IFNL2: variants seen among roughly 807,000 people sequenced by gnomAD.
IFNL2 encodes interferon lambda-2.
Under a neutral mutation model 18.7 loss-of-function variants are expected in IFNL2, and 17 were observed. The observed-to-expected ratio is 0.91, with a 90% CI of 0.62 to 1.36. The LOEUF (loss-of-function observed/expected upper bound fraction) is 1.36. Ranked by LOEUF, IFNL2 falls within the 40% of genes most tolerant of loss-of-function variation. The pLI is 0.00. For missense variants in IFNL2, 225 were observed against 257.3 expected, an observed-to-expected ratio of 0.87 and a Z score of 0.86; for synonymous variants, 96 against 113.4, an observed-to-expected ratio of 0.85 and a Z score of 0.98.
In IFNL2 at chr19:39,269,159, C is replaced by A; in HGVS notation, c.200C>A (p.Ser67Ter). The change falls in exon 3 of 6, where the codon TCG (serine) becomes TAG (stop). Residue 67 changes from serine (S) to a stop codon, truncating the protein, a stop_gained. Transcript: ENST00000331982. LOFTEE classifies it high-confidence loss of function. The stretch of plus-strand genomic sequence containing the variant: ...TGTGCCTTTGCTGTCTAGGAAGAGT[C>A]GCTTCTGCTGAAGGACTGCAGGTGC... ...FKRAKDALEE[S>*]LLLKDCRCHS... 1 of 1,611,514 alleles carries A rather than the reference C, an allele frequency of 6.2e-7. No homozygotes were observed. The highest frequency in any genetic ancestry group is 8.5e-7 in the Non-Finnish European group (1 of 1,179,032).
intron 4 of IFNL2, 25 bp from the exon 5 acceptor site, chr19:39,269,713 A>T: frequency 6.2e-7 from 1 of 1,605,890 alleles, no homozygotes; most frequent in South Asian, 1.1e-5. Flanking sequence ...GCCCCGGCTC[A>T]CACACCGCCC....
intron 2 of IFNL2, 48 bp downstream of exon 2, chr19:39,268,906 T>A (rs1309484095): frequency 6.3e-7 from 1 of 1,581,710 alleles, no homozygotes; most frequent in African/African-American, 1.3e-5. Flanking sequence ...CCACCCCCAC[T>A]CCAAGCGTCA....
At position 39,268,692 on chromosome 19, in the gene IFNL2, G is replaced by A; in HGVS notation, c.26G>A (p.Cys9Tyr). Residue 9 changes from cysteine to tyrosine, a missense_variant, in exon 2 of 6, where the codon TGC becomes TAC. Cys to Tyr is a radical substitution (Grantham distance 194). Coordinates refer to ENST00000331982, the MANE Select transcript of IFNL2 (RefSeq NM_172138.2). MKLDMTGD[C>Y]TPVLVLMAAV... ...TGTGACACAGACATGACTGGGGACT[G>A]CACGCCAGTGCTGGTGCTGATGGCC... 1 of 1,613,038 alleles carries A rather than the reference G, an allele frequency of 6.2e-7. No individual in the cohort carries two copies. Among genetic ancestry groups the A allele is most frequent in the Non-Finnish European group, 8.5e-7 (1 of 1,179,866 alleles).
rs750579866 is a variant in IFNL2 at position 39,268,658 on chromosome 19, C to A, written c.11-19C>A. On this transcript the variant is annotated intron_variant, in intron 1 of 5. Transcript: ENST00000331982. Reference sequence around the variant, plus strand: ...GCAGCCTCTCCATCCCCTCAGCTCCCTTTCTCTCTGTGACACAGACATGAC... The same window carrying A: ...GCAGCCTCTCCATCCCCTCAGCTCCATTTCTCTCTGTGACACAGACATGAC... 6.2e-7 allele frequency: 1 copy of A among 1,613,830 alleles called. No homozygotes were observed. Among genetic ancestry groups the A allele is most frequent in the Non-Finnish European group, 8.5e-7 (1 of 1,179,868 alleles).
At chr19:39,269,287 A>T in intron 3 of IFNL2, 58 bp downstream of exon 3, 2 of 1,550,608 alleles carry the variant, frequency 1.3e-6, no homozygotes, top group Non-Finnish European at 1.8e-6. Context: ...CTGGCTCTGT[A>T]GTGGCCCCTT....
intron 5 of IFNL2, 27 bp downstream of exon 5, chr19:39,269,848 G>A (rs1188381875): frequency 1.2e-6 from 2 of 1,607,810 alleles, no homozygotes; most frequent in Non-Finnish European, 8.5e-7. Flanking sequence ...GAGAGGGACT[G>A]AGGTCTGGGG....
intron 1 of IFNL2, 46 bp downstream of exon 1, chr19:39,268,624 C>A (rs1170944436): frequency 6.2e-6 from 10 of 1,613,824 alleles, no homozygotes; most frequent in Non-Finnish European, 8.5e-6. Flanking sequence ...CAGCCCCTGC[C>A]CTCAGTGGGC....
In IFNL2 at chr19:39,268,767, C is replaced by T; in HGVS notation, c.101C>T (p.Ala34Val). The part of the protein sequence containing the change: ...GAVPVARLHG[A>V]LPDARGCHIA... The stretch of plus-strand genomic sequence containing the variant: ...GTTCCTGTCGCCAGGCTCCACGGGG[C>T]TCTCCCGGATGCAAGGGGCTGCCAC... The change falls in exon 2 of 6, where the codon GCT becomes GTT. Residue 34 changes from alanine to valine, a missense_variant. Transcript: ENST00000331982. 1.2e-6 allele frequency: 2 copies of T among 1,613,590 alleles called. No individual in the cohort carries two copies. Among genetic ancestry groups the T allele is most frequent in the Non-Finnish European group, 1.7e-6 (2 of 1,179,860 alleles).
rs773332707 is a variant in IFNL2 at position 39,269,494 on chromosome 19, G to A, written c.277G>A (p.Glu93Lys). ...TWDLRQLQVR[E>K]RPMALEAELA... ...CTTTCTCACCTCTCCTCAGGTGAGG[G>A]AGCGCCCCATGGCTTTGGAGGCTGA... is the stretch of plus-strand genomic sequence containing the variant. Residue 93 changes from glutamate (E) to lysine (K), a missense_variant, in exon 4 of 6, where the codon GAG (glutamate) becomes AAG (lysine). Transcript: ENST00000331982. 1 of 1,614,010 alleles carries A rather than the reference G, an allele frequency of 6.2e-7. No individual in the cohort carries two copies. The highest frequency in any genetic ancestry group is 2.2e-5 in the East Asian group (1 of 44,890).
chr19:39,269,206 A>T lies in IFNL2; in HGVS notation c.247A>T (p.Thr83Ser). The part of the protein sequence containing the change: ...CRCHSRLFPR[T>S]WDLRQLQVRE... ...GTGCCACTCCCGCCTCTTCCCCAGG[A>T]CCTGGGACCTGAGGCAGCTGCAGGT... The change falls in exon 3 of 6, where the codon ACC becomes TCC. Residue 83 changes from threonine to serine, a missense_variant. By Grantham distance (58) the Thr-to-Ser change is moderately conservative. Coordinates refer to ENST00000331982, the MANE Select transcript of IFNL2 (RefSeq NM_172138.2). 1.2e-6 allele frequency: 2 copies of T among 1,612,026 alleles called. No individual in the cohort carries two copies. Among genetic ancestry groups the T allele is most frequent in the East Asian group, 4.5e-5 (2 of 44,782 alleles).
Position 39,269,484 on chromosome 19 carries a change from T to C in IFNL2, c.271-4T>C, listed in dbSNP as rs768863662. ...CTCACCTGCTCTTTCTCACCTCTCC[T>C]CAGGTGAGGGAGCGCCCCATGGCTT... On this transcript the variant is annotated splice_region_variant and splice_polypyrimidine_tract_variant and intron_variant, in intron 3 of 5. Coordinates refer to ENST00000331982, the MANE Select transcript of IFNL2 (RefSeq NM_172138.2). 32 of 1,614,064 alleles carry C rather than the reference T, an allele frequency of 2.0e-5. No individual in the cohort carries two copies. Among genetic ancestry groups the C allele is most frequent in the Non-Finnish European group, 2.5e-5 (29 of 1,180,002 alleles).
At chr19:39,269,098 A>G (rs999690823) in intron 2 of IFNL2, 54 bp from the exon 3 acceptor site, 23 of 1,574,344 alleles carry the variant, frequency 1.5e-5, no homozygotes, top group East Asian at 4.6e-5. Flanking sequence ...TCCCACCAGG[A>G]TGGTCTAACC....
chr19:39,269,275 A>C, intron 3 of IFNL2, 46 bp downstream of exon 3: 4 of 1,573,936 alleles, frequency 2.5e-6, no homozygotes, highest in Non-Finnish European at 3.5e-6. Context: ...AGCCCCACTC[A>C]CCTGGCTCTG....
At position 39,270,021 on chromosome 19, in the gene IFNL2, A is replaced by G. The variant is rs566901723; in HGVS notation, c.*8A>G. On this transcript the variant is annotated 3_prime_UTR_variant, in exon 6 of 6. Coordinates refer to ENST00000331982, the MANE Select transcript of IFNL2 (RefSeq NM_172138.2). ...GGGGACCTGTGTGTCTGACCCTCCC[A>G]CCAGTCATGCAACCTGAGATTTTAT... The G allele has an allele frequency of 1.7e-4, 271 of 1,582,006 alleles. 1 individual carries two copies. In the Admixed American group the frequency reaches 1.9e-3, roughly 11 times the overall value.
In IFNL2 at chr19:39,269,567, C is replaced by G. The variant is rs759411820; in HGVS notation, c.350C>G (p.Pro117Arg). The G allele has an allele frequency of 6.2e-7, 1 of 1,614,240 alleles. No individual in the cohort carries two copies. The highest frequency in any genetic ancestry group is 1.1e-5 in the South Asian group (1 of 91,088). Residue 117 changes from proline (P) to arginine (R), a missense_variant, in exon 4 of 6, where the codon CCA becomes CGA. Physicochemically the swap from Pro to Arg is moderately radical, Grantham distance 103. Transcript: ENST00000331982. The part of the protein sequence containing the change: ...KVLEATADTD[P>R]ALVDVLDQPL... ...CTGGAGGCCACCGCTGACACTGACCCAGCCCTGGTGGACGTCTTGGACCAG... is the reference window on the plus strand; with the variant it reads ...CTGGAGGCCACCGCTGACACTGACCGAGCCCTGGTGGACGTCTTGGACCAG...
Position 39,269,647 on chromosome 19 carries a change from T to G in IFNL2, c.420+10T>G. The G allele has an allele frequency of 6.2e-7, 1 of 1,613,432 alleles. No homozygotes were observed. Among genetic ancestry groups the G allele is most frequent in the East Asian group, 2.2e-5 (1 of 44,876 alleles). ...CCAGTTCCGGGCCTGTGTGAGTCGT[T>G]GGGGCCTGGGCACCCAGGTCTGTGA... On this transcript the variant is annotated intron_variant, in intron 4 of 5. Transcript: ENST00000331982.
chr19:39,269,325 C>G lies in IFNL2; in HGVS notation c.270+96C>G. 11 of 1,487,512 alleles carry G rather than the reference C, an allele frequency of 7.4e-6. No individual in the cohort carries two copies. In the South Asian group the frequency reaches 1.4e-4, roughly 19 times the overall value. 92.1% of individuals were successfully genotyped at this position (1,487,512 alleles called of 1,614,324 possible). A position where few individuals can be genotyped will look rare whatever the true frequency, so the allele number is the denominator to read the frequency against. The stretch of plus-strand genomic sequence containing the variant: ...CCGTCTCTTTCTCCCTTGTCTCTCT[C>G]TCTTCTCCTCACACCTGCTCTCCCT... On this transcript the variant is annotated intron_variant, in intron 3 of 5. Coordinates refer to ENST00000331982, the MANE Select transcript of IFNL2 (RefSeq NM_172138.2).
rs780745473 is a variant in IFNL2 at position 39,268,826 on chromosome 19, C to G, written c.160C>G (p.Leu54Val). ...AQFKSLSPQE[L>V]QAFKRAKDAL... ...GTTCAAGTCCCTGTCTCCACAGGAG[C>G]TGCAGGCCTTTAAGAGGGCCAAAGA... The change falls in exon 2 of 6, where the codon CTG becomes GTG. Residue 54 changes from leucine to valine, a missense_variant. By Grantham distance (32) the Leu-to-Val change is conservative. Coordinates refer to ENST00000331982, the MANE Select transcript of IFNL2 (RefSeq NM_172138.2). 1.2e-6 allele frequency: 2 copies of G among 1,613,538 alleles called. No individual in the cohort carries two copies. The highest frequency in any genetic ancestry group is 1.3e-5 in the African/African-American group (1 of 74,788).
At position 39,269,020 on chromosome 19, in the gene IFNL2, T is replaced by A. The variant is rs114035390; in HGVS notation, c.193-132T>A. 9,329 of 1,358,040 alleles carry A rather than the reference T, an allele frequency of 6.9e-3. 341 individuals are homozygous for A. The African/African-American group carries it at 0.094, about 14-fold the overall frequency. The allele number at this position is 1,358,040 out of a possible 1,614,324, so 84.1% of individuals were successfully genotyped here. On this transcript the variant is annotated intron_variant, in intron 2 of 5. Coordinates refer to ENST00000331982, the MANE Select transcript of IFNL2 (RefSeq NM_172138.2). ...GTAGGGACTGACTCATGTTTTCCTG[T>A]AGAAGAGGGTCCTCTACCATCCTCC...
Sources: allele counts gnomAD v4.1 joint callset, GRCh38; gene constraint gnomAD v4.1.1; transcripts MANE v1.5; gene names NCBI Gene and HGNC (gene_info 2026-07-23, HGNC 2026-07-21).